DNAH6: variants seen among roughly 807,000 people sequenced by gnomAD.
DNAH6 encodes the protein axonemal beta dynein heavy chain 6.
Under a neutral mutation model 491.4 loss-of-function variants are expected in DNAH6, and 340 were observed. The ratio of observed to expected loss-of-function variants is 0.69; its 90% CI spans 0.63 to 0.76. The LOEUF (loss-of-function observed/expected upper bound fraction) is 0.76. DNAH6 is among the 30% of genes least tolerant of loss of function. The pLI, the probability that DNAH6 is intolerant of heterozygous loss-of-function variation, is 0.00. For synonymous variants in DNAH6, 1,603 were observed against 1,686.1 expected (o/e 0.95, Z 1.21); for missense variants, 4,443 against 4,972.2 (o/e 0.89, Z 3.20).
chr2:84,771,523 G>A (rs182913860), intron 64 of DNAH6, among the ~76,000 whole-genome samples: 2 of 152,200 alleles, frequency 1.3e-5, no homozygotes, highest in African/African-American at 4.8e-5. Context: ...ACCAAGACAT[G>A]CTATAATCAA....
chr2:84,689,108 C>T (rs1323371152), intron 45 of DNAH6, among the ~76,000 whole-genome samples: 2 of 152,208 alleles, frequency 1.3e-5, no homozygotes, highest in Admixed American at 1.3e-4. Flanking sequence ...GGCTCCTGTC[C>T]TGTTTGACAG....
At chr2:84,799,768 G>A (rs1334858246) in intron 70 of DNAH6, among the ~76,000 whole-genome samples, 3 of 152,198 alleles carry the variant, frequency 2.0e-5, no homozygotes, top group South Asian at 2.1e-4. Context: ...AGGAAATGGG[G>A]GTGTGATGCC....
At chr2:84,606,889 A>C in intron 20 of DNAH6, 87 bp from the exon 21 acceptor site, 1 of 1,385,462 alleles carries the variant, frequency 7.2e-7, no homozygotes, top group Non-Finnish European at 9.9e-7. Context: ...TTGACTTTTA[A>C]GTAGACACTT....
At chr2:84,709,814 T>C (rs904728244) in intron 55 of DNAH6, among the ~76,000 whole-genome samples, 1 of 152,196 alleles carries the variant, frequency 6.6e-6, no homozygotes, top group Non-Finnish European at 1.5e-5. Context: ...TTGTTTTCTG[T>C]GAGGGCAGAA....
the DNAH6 span, among the ~76,000 whole-genome samples, chr2:84,474,185 A>G: frequency 1.3e-5 from 2 of 152,306 alleles, no homozygotes; most frequent in African/African-American, 4.8e-5. Context: ...TAGTGCACCC[A>G]TGTGTTGAAT....
intron 2 of DNAH6, among the ~76,000 whole-genome samples, chr2:84,523,357 A>G (rs1052566492): frequency 2.6e-5 from 4 of 151,526 alleles, no homozygotes; most frequent in African/African-American, 4.8e-5. Context: ...TTCTTTATTA[A>G]TCTAGCTATT....
intron 11 of DNAH6, among the ~76,000 whole-genome samples, chr2:84,566,441 C>T (rs1681200205): frequency 6.6e-6 from 1 of 151,890 alleles, no homozygotes; most frequent in African/African-American, 2.4e-5. Context: ...AAAAAATCTT[C>T]TGGAAGACAC....
At chr2:84,647,540 C>T (rs1010371875) in intron 33 of DNAH6, among the ~76,000 whole-genome samples, 1 of 152,182 alleles carries the variant, frequency 6.6e-6, no homozygotes, top group Non-Finnish European at 1.5e-5. Flanking sequence ...TCATTTACCA[C>T]TCCAAAAACC....
intron 2 of DNAH6, among the ~76,000 whole-genome samples, chr2:84,520,908 A>T (rs1026160327): frequency 3.9e-5 from 6 of 152,094 alleles, no homozygotes; most frequent in African/African-American, 1.4e-4. Context: ...ATCAATTTAT[A>T]TTCCTTTGGG....
In DNAH6 at chr2:84,787,160, T is replaced by G. The variant is rs140112460; in HGVS notation, c.11101-4T>G. ...TTTCAGATCATTTTCATTTTTCATT[T>G]TAGGAGAGAAAGAAGTTTGGCCCCC... On this transcript the variant is annotated splice_polypyrimidine_tract_variant and splice_region_variant and intron_variant, in intron 67 of 76. Transcript: ENST00000389394. The G allele has an allele frequency of 4.7e-6, 7 of 1,494,212 alleles. No homozygotes were observed. Among genetic ancestry groups the G allele is most frequent in the Middle Eastern group, 1.7e-4 (1 of 5,836 alleles). 92.6% of individuals were successfully genotyped at this position (1,494,212 alleles called of 1,614,324 possible).
Position 84,622,118 on chromosome 2 carries a change from A to AGG in DNAH6, c.4071+568_4071+569insGG, listed in dbSNP as rs1381676123. 4.6e-5 allele frequency among the ~76,000 whole-genome samples: 7 copies of AGG among 152,246 alleles called. No homozygotes were observed. The East Asian group carries it at 1.4e-3, about 29-fold the overall frequency. Reference sequence around the variant, plus strand: ...CAACTCCACATTTCCTCCTCTCCCTAGCTCCCTGTAATCACCACTCTTTTT... The same window carrying AGG: ...CAACTCCACATTTCCTCCTCTCCCTAGGGCTCCCTGTAATCACCACTCTTTTT... On this transcript the variant is annotated intron_variant, in intron 26 of 76. Coordinates refer to ENST00000389394, the MANE Select transcript of DNAH6 (RefSeq NM_001370.2).
chr2:84,685,276 T>G, intron 42 of DNAH6, 50 bp from the exon 43 acceptor site: 1 of 1,321,358 alleles, frequency 7.6e-7, no homozygotes, highest in Non-Finnish European at 1.0e-6. Context: ...TACTGGAGAT[T>G]CTACAAATGT....
Position 84,686,531 on chromosome 2 carries a change from C to G in DNAH6, c.7111C>G (p.Pro2371Ala). The G allele has an allele frequency of 6.5e-7, 1 of 1,538,302 alleles. No homozygotes were observed. Among genetic ancestry groups the G allele is most frequent in the Non-Finnish European group, 8.8e-7 (1 of 1,137,546 alleles). Residue 2371 changes from proline to alanine, a missense_variant, in exon 44 of 77, where the codon CCC becomes GCC. Physicochemically the swap from Pro to Ala is conservative, Grantham distance 27 (BLOSUM62 -1). Around this residue, in one of 3 missense-constraint regions of DNAH6, gnomAD observed 2,977 missense variants for 3,296.6 expected, o/e 0.90. Coordinates refer to ENST00000389394, the MANE Select transcript of DNAH6 (RefSeq NM_001370.2). ...TGACCTGGAATATTTTTTGAATAAG[C>G]CCATCATATTTGGAGATTTCATTAA... ...AIDLEYFLNK[P>A]IIFGDFIKFG...
At chr2:84,593,301 A>G (rs1043152875) in intron 16 of DNAH6, among the ~76,000 whole-genome samples, 2 of 152,156 alleles carry the variant, frequency 1.3e-5, no homozygotes, top group Non-Finnish European at 2.9e-5. Flanking sequence ...AGGTTGCAGG[A>G]AATCATTTGC....
intron 4 of DNAH6, 105 bp from the exon 5 acceptor site, chr2:84,544,128 T>G: frequency 1.8e-6 from 1 of 567,182 alleles, no homozygotes; most frequent in Non-Finnish European, 2.9e-6. Flanking sequence ...AAATAATATT[T>G]GCTTTCCAGA....
intron 70 of DNAH6, among the ~76,000 whole-genome samples, chr2:84,801,274 A>G (rs1463134373): frequency 2.0e-5 from 3 of 151,732 alleles, no homozygotes; most frequent in Non-Finnish European, 4.4e-5. Context: ...AAAAAGAAAA[A>G]AAAAAAAAAG....
chr2:84,667,437 G>A lies in DNAH6; in HGVS notation c.6085-1852G>A, dbSNP rs567198415. On this transcript the variant is annotated intron_variant, in intron 37 of 76. Transcript: ENST00000389394. ...CAAACAACCACATCAAAAAGTGGGC[G>A]AAGGATGTGAACAGATACTTCTCAA... Among the ~76,000 whole-genome samples the A allele has an allele frequency of 1.0e-3, 156 of 152,256 alleles. 1 individual carries two copies. The highest frequency in any genetic ancestry group is 8.7e-4 in the Non-Finnish European group (59 of 68,008).
the DNAH6 span, among the ~76,000 whole-genome samples, chr2:84,475,034 G>C: frequency 6.6e-6 from 1 of 152,244 alleles, no homozygotes; most frequent in Non-Finnish European, 1.5e-5. Context: ...TGGGGAGGCA[G>C]ACCACGGAGT....
In DNAH6 at chr2:84,707,651, A is replaced by C. The variant is rs1696607360; in HGVS notation, c.8983A>C (p.Asn2995His). 4 of 1,552,244 alleles carry C rather than the reference A, an allele frequency of 2.6e-6. No individual in the cohort carries two copies. The highest frequency in any genetic ancestry group is 1.4e-5 in the African/African-American group (1 of 73,050). The part of the protein sequence containing the change: ...FEEEISNITG[N>H]VFIAAACVAY... ...GGAAGAAATATCAAATATCACTGGG[A>C]ACGTGTTCATAGCAGCAGCTTGTGT... is the stretch of plus-strand genomic sequence containing the variant. Residue 2995 changes from asparagine to histidine, a missense_variant, in exon 54 of 77, where the codon AAC becomes CAC. Around this residue, in one of 3 missense-constraint regions of DNAH6, gnomAD observed 1,463 missense variants for 1,656.6 expected, o/e 0.88. Transcript: ENST00000389394.
Sources: allele counts gnomAD v4.1 joint callset (sites outside exome capture counted in the v4.1 genomes callset), GRCh38; gene constraint gnomAD v4.1.1; regional missense constraint gnomAD v4.1.1; transcripts MANE v1.5; gene names NCBI Gene and HGNC (gene_info 2026-07-23, HGNC 2026-07-21).